CNTNAP2: variants seen among roughly 807,000 people sequenced by gnomAD.
CNTNAP2 encodes the protein contactin-associated protein-like 2.
Under a neutral mutation model 155.2 loss-of-function variants are expected in CNTNAP2, and 98 were observed. That is an observed-to-expected ratio of 0.63 (90% CI 0.54 to 0.75). The LOEUF is 0.75. Among genes scored for constraint, CNTNAP2 ranks in the 30% least tolerant of loss-of-function variants. CNTNAP2 has a pLI of 0.00. For synonymous variants in CNTNAP2, 651 were observed against 631.2 expected, an observed-to-expected ratio of 1.03 and a Z score of -0.47; for missense variants, 1,727 against 1,688.1, an observed-to-expected ratio of 1.02 and a Z score of -0.40.
intron 1 of CNTNAP2, among the ~76,000 whole-genome samples, chr7:146,188,675 C>T (rs2116848097): frequency 6.6e-6 from 1 of 152,156 alleles, no homozygotes; most frequent in Non-Finnish European, 1.5e-5. Context: ...TTATTCTCAG[C>T]ATGAAATTTG....
intron 8 of CNTNAP2, among the ~76,000 whole-genome samples, chr7:147,165,649 G>T (rs181074755): frequency 3.4e-4 from 51 of 152,218 alleles, no homozygotes; most frequent in Admixed American, 1.6e-3. Flanking sequence ...ATCCATCTTG[G>T]ATCGATTTTT....
At chr7:148,094,407 CAGAAGTTG>C (rs1206844100) in intron 15 of CNTNAP2, among the ~76,000 whole-genome samples, 1 of 152,114 alleles carries the variant, frequency 6.6e-6, no homozygotes, top group Non-Finnish European at 1.5e-5. Flanking sequence ...AGAAGGAAGA[CAGAAGTTG>C]AATGTCCTTG....
rs147729873 is a variant in CNTNAP2, at chr7:146,996,384, A to G, written c.403-47523A>G. 6.3e-3 allele frequency among the ~76,000 whole-genome samples: 962 copies of G among 152,178 alleles called. 7 individuals are homozygous for G. Among genetic ancestry groups the G allele is most frequent in the African/African-American group, 0.022 (921 of 41,542 alleles). On this transcript the variant is annotated intron_variant, in intron 3 of 23. Coordinates refer to ENST00000361727, the MANE Select transcript of CNTNAP2 (RefSeq NM_014141.6). The stretch of plus-strand genomic sequence containing the variant: ...TTCCTTTTTATTTGTGTCTTCTTCA[A>G]TATGTTTCACCAATTTTTCATAATT...
In CNTNAP2 at chr7:148,283,255, AAAAGAAAG is replaced by A. The variant is rs1199149066; in HGVS notation, c.3475+16174_3475+16181del. 1.4e-3 allele frequency among the ~76,000 whole-genome samples: 92 copies of A among 63,622 alleles called. 1 individual carries two copies. Among genetic ancestry groups the A allele is most frequent in the African/African-American group, 5.1e-3 (85 of 16,526 alleles). The allele number at this position is 63,622 out of a possible 152,430, so 41.7% of individuals were successfully genotyped here. On this transcript the variant is annotated intron_variant, in intron 21 of 23. Coordinates refer to ENST00000361727, the MANE Select transcript of CNTNAP2 (RefSeq NM_014141.6). ...ACTCTGTCTCAAAAAAAAAAAAAAA[AAAAGAAAG>A]AAAGAAAGAAAGAAAGAAAGAAAGA...
chr7:147,187,722 T>G (rs1287951608), intron 8 of CNTNAP2, among the ~76,000 whole-genome samples: 1 of 152,162 alleles, frequency 6.6e-6, no homozygotes, highest in Non-Finnish European at 1.5e-5. Context: ...AACCTGCATC[T>G]GTACCCCTGA....
In CNTNAP2 at chr7:148,249,967, G is replaced by A. The variant is rs144105518; in HGVS notation, c.3382-17066G>A. Among the ~76,000 whole-genome samples, 389 of 152,276 alleles carry A rather than the reference G, an allele frequency of 2.6e-3. 1 individual carries two copies. The highest frequency in any genetic ancestry group is 4.8e-3 in the Non-Finnish European group (325 of 68,014). On this transcript the variant is annotated intron_variant, in intron 20 of 23. Coordinates refer to ENST00000361727, the MANE Select transcript of CNTNAP2 (RefSeq NM_014141.6). ...TCACTACCCCATCTGTTTAAAGTAC[G>A]AGTTCTCTGCTCAACACCCACTGAC...
At chr7:147,343,576 T>C (rs942272380) in intron 9 of CNTNAP2, among the ~76,000 whole-genome samples, 2 of 152,198 alleles carry the variant, frequency 1.3e-5, no homozygotes, top group Non-Finnish European at 2.9e-5. Flanking sequence ...CTCTGAAATA[T>C]ACCAAGTACT....
chr7:147,781,809 G>A (rs1797665450), intron 13 of CNTNAP2, among the ~76,000 whole-genome samples: 1 of 152,038 alleles, frequency 6.6e-6, no homozygotes, highest in South Asian at 2.1e-4. Flanking sequence ...GGATCACGAG[G>A]TCAGGAGATC....
chr7:146,474,271 T>TAA (rs1334101872), intron 1 of CNTNAP2, among the ~76,000 whole-genome samples: 3 of 149,210 alleles, frequency 2.0e-5, no homozygotes, highest in Non-Finnish European at 4.4e-5. Context: ...AATATTTATA[T>TAA]ATATATTTCA....
At chr7:147,392,768 T>C (rs1362945350) in intron 9 of CNTNAP2, among the ~76,000 whole-genome samples, 3 of 152,002 alleles carry the variant, frequency 2.0e-5, no homozygotes, top group Admixed American at 2.0e-4. Flanking sequence ...CAATTCACAA[T>C]TGCAAAAATG....
chr7:147,470,441 G>A (rs988326633), intron 10 of CNTNAP2, among the ~76,000 whole-genome samples: 14 of 151,864 alleles, frequency 9.2e-5, no homozygotes, highest in East Asian at 7.8e-4. Context: ...CTACAATAGC[G>A]TCTTGGATTA....
chr7:147,277,956 C>T (rs1261256038), intron 8 of CNTNAP2, among the ~76,000 whole-genome samples: 1 of 151,664 alleles, frequency 6.6e-6, no homozygotes, highest in Non-Finnish European at 1.5e-5. Flanking sequence ...TCACTCATTC[C>T]ATACCATGAA....
Position 147,049,766 on chromosome 7 carries a change from TAG to T in CNTNAP2, c.550+5726_550+5727del, listed in dbSNP as rs148690678. ...TTCACTGCAAAGTTTGCCAGAAAAC[TAG>T]AGAGAGAGAGAGAAATCACAATGTG... On this transcript the variant is annotated intron_variant, in intron 4 of 23. Coordinates refer to ENST00000361727, the MANE Select transcript of CNTNAP2 (RefSeq NM_014141.6). 4.2e-4 allele frequency among the ~76,000 whole-genome samples: 64 copies of T among 151,748 alleles called. 1 individual carries two copies. The East Asian group carries it at 4.3e-3, about 10-fold the overall frequency.
chr7:146,140,279 C>A (rs998813990), intron 1 of CNTNAP2, among the ~76,000 whole-genome samples: 1 of 151,970 alleles, frequency 6.6e-6, no homozygotes, highest in Non-Finnish European at 1.5e-5. Flanking sequence ...TTGCACAGTC[C>A]CAGGGTTGAT....
intron 15 of CNTNAP2, among the ~76,000 whole-genome samples, chr7:148,110,331 C>T (rs764789797): frequency 6.6e-6 from 1 of 152,056 alleles, no homozygotes; most frequent in Non-Finnish European, 1.5e-5. Flanking sequence ...GAATGGGAAC[C>T]TGGAGGTCGG....
intron 20 of CNTNAP2, among the ~76,000 whole-genome samples, chr7:148,236,183 A>T (rs1245614003): frequency 1.3e-5 from 2 of 152,172 alleles, no homozygotes; most frequent in Non-Finnish European, 2.9e-5. Flanking sequence ...TTCCCTAGAC[A>T]TCAATCTTAG....
At chr7:147,344,381 G>A (rs920913554) in intron 9 of CNTNAP2, among the ~76,000 whole-genome samples, 2 of 152,140 alleles carry the variant, frequency 1.3e-5, no homozygotes, top group African/African-American at 4.8e-5. Context: ...CAAAAGCTAA[G>A]AGGATAAATT....
intron 1 of CNTNAP2, among the ~76,000 whole-genome samples, chr7:146,339,519 A>G (rs1019860613): frequency 4.6e-5 from 7 of 152,172 alleles, no homozygotes; most frequent in African/African-American, 1.7e-4. Context: ...TAGTTACATG[A>G]ATGTTGAATG....
chr7:147,893,828 T>C (rs1585014400), intron 13 of CNTNAP2, among the ~76,000 whole-genome samples: 1 of 152,190 alleles, frequency 6.6e-6, no homozygotes, highest in Non-Finnish European at 1.5e-5. Flanking sequence ...ATTTTCCACA[T>C]GTAAAAGAAG....
Sources: allele counts gnomAD v4.1 joint callset (sites outside exome capture counted in the v4.1 genomes callset), GRCh38; gene constraint gnomAD v4.1.1; transcripts MANE v1.5; gene names NCBI Gene and HGNC (gene_info 2026-07-23, HGNC 2026-07-21).